The following TM9SF3 variants were observed in gnomAD, a reference collection of about 807,000 sequenced individuals.
The protein encoded by TM9SF3 is transmembrane 9 superfamily member 3.
Under a neutral mutation model 78.6 loss-of-function variants are expected in TM9SF3, and 14 were observed. The observed-to-expected ratio is 0.18, with a 90% CI of 0.12 to 0.28. The LOEUF (loss-of-function observed/expected upper bound fraction) is 0.28, where lower values mean the gene tolerates loss of function less well. TM9SF3 is among the 10% of genes least tolerant of loss of function. The pLI is 1.00. For synonymous variants in TM9SF3, 231 were observed against 241.7 expected (o/e 0.96, Z 0.41); for missense variants, 496 against 721.9 (o/e 0.69, Z 3.59).
rs186641957 is a variant in TM9SF3 at position 96,558,085 on chromosome 10, C to T, written c.660+1574G>A. Among the ~76,000 whole-genome samples, 307 of 152,250 alleles carry T rather than the reference C, an allele frequency of 2.0e-3. 1 individual carries two copies. Among genetic ancestry groups the T allele is most frequent in the African/African-American group, 6.2e-3 (257 of 41,548 alleles). Reference sequence around the variant, plus strand: ...AGTATACCATTCCATAGTGAAAATACTAAAAGGCAGTCTTTCCCCTAAGTT... The same window carrying T: ...AGTATACCATTCCATAGTGAAAATATTAAAAGGCAGTCTTTCCCCTAAGTT... On this transcript the variant is annotated intron_variant, in intron 5 of 14. Coordinates refer to ENST00000371142, the MANE Select transcript of TM9SF3 (RefSeq NM_020123.4).
chr10:96,552,180 G>A (rs563750508), intron 6 of TM9SF3, among the ~76,000 whole-genome samples: 1 of 152,150 alleles, frequency 6.6e-6, no homozygotes, highest in South Asian at 2.1e-4. Flanking sequence ...AGCCAGGCAC[G>A]GTGGCTCACA....
At chr10:96,553,342 T>C (rs1848196500) in intron 5 of TM9SF3, among the ~76,000 whole-genome samples, 1 of 152,220 alleles carries the variant, frequency 6.6e-6, no homozygotes. Context: ...AATTTGGCCA[T>C]ATAACCTATG....
chr10:96,542,740 T>C (rs1337282896), intron 9 of TM9SF3, among the ~76,000 whole-genome samples: 1 of 152,048 alleles, frequency 6.6e-6, no homozygotes, highest in Non-Finnish European at 1.5e-5. Flanking sequence ...CTGGTGTAAT[T>C]AGTTACCTTT....
At chr10:96,580,861 C>T (rs141424339) in intron 1 of TM9SF3, among the ~76,000 whole-genome samples, 4 of 152,216 alleles carry the variant, frequency 2.6e-5, no homozygotes, top group Admixed American at 1.3e-4. Flanking sequence ...CCCCATTTTA[C>T]AGACTAAAAA....
chr10:96,565,087 A>C (rs751002824), intron 3 of TM9SF3, among the ~76,000 whole-genome samples: 29 of 152,280 alleles, frequency 1.9e-4, no homozygotes, highest in Non-Finnish European at 4.1e-4. Context: ...ATACTATAAA[A>C]AAGTTATATT....
chr10:96,564,297 G>C (rs927133751), intron 3 of TM9SF3, among the ~76,000 whole-genome samples: 1 of 152,098 alleles, frequency 6.6e-6, no homozygotes. Flanking sequence ...GAAGAAACCT[G>C]TTCTCTCAAA....
intron 3 of TM9SF3, among the ~76,000 whole-genome samples, chr10:96,564,062 T>C (rs994932800): frequency 3.9e-5 from 6 of 151,936 alleles, no homozygotes; most frequent in African/African-American, 1.4e-4. Context: ...GGCAAGAGGA[T>C]TGCTTGAAGC....
intron 4 of TM9SF3, among the ~76,000 whole-genome samples, chr10:96,561,248 A>G (rs1377463617): frequency 2.1e-5 from 2 of 93,876 alleles, no homozygotes; most frequent in African/African-American, 5.9e-5. Flanking sequence ...TATTTGAATG[A>G]ATAATAAAAA....
intron 8 of TM9SF3, among the ~76,000 whole-genome samples, chr10:96,546,887 A>G (rs1848106847): frequency 6.6e-6 from 1 of 152,252 alleles, no homozygotes; most frequent in African/African-American, 2.4e-5. Flanking sequence ...CCTTGGAAAT[A>G]TAATTTTAAG....
intron 6 of TM9SF3, among the ~76,000 whole-genome samples, chr10:96,552,307 G>C (rs1848180295): frequency 6.6e-6 from 1 of 152,050 alleles, no homozygotes; most frequent in Admixed American, 6.6e-5. Flanking sequence ...AAAATAGCCA[G>C]GGGTGGGGGC....
intron 1 of TM9SF3, among the ~76,000 whole-genome samples, chr10:96,580,223 C>T (rs1489657144): frequency 2.0e-5 from 3 of 152,108 alleles, no homozygotes; most frequent in Admixed American, 1.3e-4. Context: ...CTGGCCAAAA[C>T]GGTTTATGAT....
At chr10:96,529,087 G>T (rs1217151973) in intron 11 of TM9SF3, among the ~76,000 whole-genome samples, 1 of 152,086 alleles carries the variant, frequency 6.6e-6, no homozygotes, top group Non-Finnish European at 1.5e-5. Context: ...CTGGGGACAG[G>T]GGTAGAAGGG....
At chr10:96,585,608 T>A (rs767431924) in intron 1 of TM9SF3, among the ~76,000 whole-genome samples, 1 of 152,174 alleles carries the variant, frequency 6.6e-6, no homozygotes, top group African/African-American at 2.4e-5. Flanking sequence ...TAAAATAAGA[T>A]CCCAGCTAGC....
rs533417911 is a variant in TM9SF3 at position 96,541,350 on chromosome 10, T to C, written c.1185+2726A>G. Reference sequence around the variant, plus strand: ...TTGGATAAATTCCCAAAATAAAAAGTTTTTAGCTTTCCAGAATCAATCTAA... The same window carrying C: ...TTGGATAAATTCCCAAAATAAAAAGCTTTTAGCTTTCCAGAATCAATCTAA... On this transcript the variant is annotated intron_variant, in intron 9 of 14. Coordinates refer to ENST00000371142, the MANE Select transcript of TM9SF3 (RefSeq NM_020123.4). Among the ~76,000 whole-genome samples, 294 of 152,230 alleles carry C rather than the reference T, an allele frequency of 1.9e-3. 4 individuals are homozygous for C. Among genetic ancestry groups the C allele is most frequent in the Middle Eastern group, 0.01 (3 of 294 alleles).
rs1847780888 is a variant in TM9SF3 at position 96,521,946 on chromosome 10, T to A, written c.*317A>T. The A allele has an allele frequency of 4.0e-6, 1 of 252,812 alleles. No homozygotes were observed. The highest frequency in any genetic ancestry group is 2.3e-5 in the African/African-American group (1 of 43,788). The allele number at this position is 252,812 out of a possible 1,614,324, so 15.7% of individuals were successfully genotyped here. A position where few individuals can be genotyped will look rare whatever the true frequency, so the allele number is the denominator to read the frequency against. Reference sequence around the variant, plus strand: ...ATTGGAACAAATGCTTTAAATAAACTATTTGTCCTCTTCACTGAAGAGAGC... The same window carrying A: ...ATTGGAACAAATGCTTTAAATAAACAATTTGTCCTCTTCACTGAAGAGAGC... On this transcript the variant is annotated 3_prime_UTR_variant, in exon 15 of 15. Coordinates refer to ENST00000371142, the MANE Select transcript of TM9SF3 (RefSeq NM_020123.4).
At chr10:96,531,039 T>G (rs1442402731) in intron 10 of TM9SF3, among the ~76,000 whole-genome samples, 1 of 152,210 alleles carries the variant, frequency 6.6e-6, no homozygotes, top group Non-Finnish European at 1.5e-5. Flanking sequence ...CTTTGCTCAC[T>G]CTCTCCTTGG....
chr10:96,530,002 T>C (rs1219533213), intron 11 of TM9SF3, among the ~76,000 whole-genome samples: 3 of 152,188 alleles, frequency 2.0e-5, no homozygotes, highest in Admixed American at 1.3e-4. Flanking sequence ...TCTTTTTTAT[T>C]TTGCAATGGT....
chr10:96,567,084 C>CT (rs5787198), intron 2 of TM9SF3, among the ~76,000 whole-genome samples: 81,646 of 124,470 alleles, frequency 0.66, 27,992 homozygotes, highest in East Asian at 0.78. Flanking sequence ...TGTATAAAGC[C>CT]TTTTTTTTTT....
intron 9 of TM9SF3, among the ~76,000 whole-genome samples, chr10:96,535,106 A>G (rs890536063): frequency 2.0e-5 from 3 of 152,212 alleles, no homozygotes; most frequent in African/African-American, 7.2e-5. Context: ...CTGTGCACAT[A>G]ACAGTCAATA....
Sources: allele counts gnomAD v4.1 joint callset (sites outside exome capture counted in the v4.1 genomes callset), GRCh38; gene constraint gnomAD v4.1.1; transcripts MANE v1.5; gene names NCBI Gene and HGNC (gene_info 2026-07-23, HGNC 2026-07-21).